Variants in CAST observed in about 807,000 individuals in gnomAD.
CAST encodes MIR583 host.
CAST carries 76 observed loss-of-function variants against 119.6 expected under a neutral mutation model. The ratio of observed to expected loss-of-function variants is 0.64; its 90% CI spans 0.53 to 0.77. CAST has a LOEUF of 0.77. Ranked by LOEUF, CAST falls within the 30% of genes least tolerant of loss-of-function variation. The pLI is 0.00. For synonymous variants in CAST, 319 were observed against 331.6 expected (o/e 0.96, Z 0.41); for missense variants, 953 against 946.5 (o/e 1.01, Z -0.09).
chr5:96,614,723 CT>C (rs1747422568), intron 1 of CAST, among the ~76,000 whole-genome samples: 2 of 147,380 alleles, frequency 1.4e-5, no homozygotes, highest in Admixed American at 1.4e-4. Context: ...CAGATTACCC[CT>C]CTTCCTCAGT....
the CAST span, among the ~76,000 whole-genome samples, chr5:96,348,489 C>T: frequency 1.3e-5 from 2 of 151,896 alleles, no homozygotes; most frequent in African/African-American, 4.8e-5. Flanking sequence ...GAAGGAATTG[C>T]TTTTGATGGT....
chr5:96,031,588 C>T, the CAST span, among the ~76,000 whole-genome samples: 6 of 152,032 alleles, frequency 3.9e-5, no homozygotes, highest in Non-Finnish European at 5.9e-5. Flanking sequence ...ATTTTCAGAA[C>T]GAGTCCTTAA....
chr5:96,220,280 C>T, the CAST span, among the ~76,000 whole-genome samples: 1 of 152,160 alleles, frequency 6.6e-6, no homozygotes, highest in African/African-American at 2.4e-5. Flanking sequence ...CTGTGGCAGC[C>T]ATCTGGTGTC....
chr5:96,673,943 C>G (rs1750411616), intron 1 of CAST, among the ~76,000 whole-genome samples: 2 of 152,216 alleles, frequency 1.3e-5, no homozygotes, highest in South Asian at 4.1e-4. Flanking sequence ...ATGCCAATCA[C>G]TAATCCATGA....
the CAST span, among the ~76,000 whole-genome samples, chr5:96,505,953 ACT>A: frequency 1.3e-5 from 2 of 152,176 alleles, no homozygotes; most frequent in Non-Finnish European, 2.9e-5. Context: ...AAGAAGCTAA[ACT>A]CTGCCCTGGT....
At position 96,695,842 on chromosome 5, in the gene CAST, G is replaced by T. The variant is rs1753218023; in HGVS notation, c.145G>T (p.Ala49Ser). 6.2e-7 allele frequency: 1 copy of T among 1,610,912 alleles called. No homozygotes were observed. Among genetic ancestry groups the T allele is most frequent in the Admixed American group, 1.7e-5 (1 of 59,878 alleles). ...GEKKGSDEKK[A>S]ASLGSSQSSR... ...AATATTTTCTATTTTCAAGAAAAAA[G>T]CAGCAAGCCTCGGCAGCAGTCAATC... is the stretch of plus-strand genomic sequence containing the variant. The change falls in exon 3 of 32, where the codon GCA (alanine) becomes TCA (serine). Residue 49 changes from alanine to serine, a missense_variant. By Grantham distance (99) the Ala-to-Ser change is moderately conservative (BLOSUM62 1). Transcript: ENST00000675179.
intron 2 of CAST, among the ~76,000 whole-genome samples, chr5:96,680,554 A>C (rs1316015066): frequency 6.6e-6 from 1 of 151,938 alleles, no homozygotes; most frequent in Non-Finnish European, 1.5e-5. Context: ...TAGCAAAGGA[A>C]CACCATTATA....
the CAST span, among the ~76,000 whole-genome samples, chr5:96,015,519 T>C: frequency 6.6e-6 from 1 of 151,958 alleles, no homozygotes; most frequent in African/African-American, 2.4e-5. Context: ...TCACCTATAA[T>C]ATATATTCAT....
the CAST span, chr5:96,400,317 G>T: frequency 1.4e-6 from 1 of 715,872 alleles, no homozygotes; most frequent in Non-Finnish European, 2.6e-6. Flanking sequence ...TGTTATTCTA[G>T]TGTCTATTAC....
the CAST span, chr5:96,429,089 A>G: frequency 1.6e-6 from 1 of 639,368 alleles, no homozygotes; most frequent in South Asian, 1.8e-5. Context: ...AATAATACAG[A>G]TAAACAATCT....
chr5:96,232,283 G>C, the CAST span, among the ~76,000 whole-genome samples: 3 of 152,024 alleles, frequency 2.0e-5, no homozygotes, highest in Non-Finnish European at 4.4e-5. Context: ...AGGTGACTCT[G>C]ATGCAAATAG....
the CAST span, among the ~76,000 whole-genome samples, chr5:96,003,012 G>C: frequency 6.6e-6 from 1 of 152,018 alleles, no homozygotes; most frequent in East Asian, 1.9e-4. Context: ...AAGGCAAGAG[G>C]ATTTCTTGAG....
chr5:96,240,103 T>C, the CAST span, among the ~76,000 whole-genome samples: 2 of 152,244 alleles, frequency 1.3e-5, no homozygotes, highest in African/African-American at 2.4e-5. Context: ...CCATCTTGAA[T>C]GTAATTAATT....
chr5:96,325,914 C>T, the CAST span, among the ~76,000 whole-genome samples: 1 of 152,166 alleles, frequency 6.6e-6, no homozygotes, highest in African/African-American at 2.4e-5. Context: ...CCCAACTTGG[C>T]GATCCACATG....
the CAST span, among the ~76,000 whole-genome samples, chr5:96,370,575 C>T: frequency 3.9e-5 from 6 of 152,220 alleles, no homozygotes; most frequent in South Asian, 1.3e-3. Flanking sequence ...AACTGAAATT[C>T]ACAGGCATAG....
chr5:96,488,534 C>T, the CAST span, among the ~76,000 whole-genome samples: 1 of 152,164 alleles, frequency 6.6e-6, no homozygotes, highest in Admixed American at 6.5e-5. Flanking sequence ...AGGCACATTG[C>T]CAAATACTTT....
chr5:96,192,880 A>G, the CAST span, among the ~76,000 whole-genome samples: 1 of 152,228 alleles, frequency 6.6e-6, no homozygotes, highest in African/African-American at 2.4e-5. Context: ...TGTGACATCA[A>G]TTAGAGCGGC....
At chr5:96,102,016 G>A in the CAST span, among the ~76,000 whole-genome samples, 1 of 152,196 alleles carries the variant, frequency 6.6e-6, no homozygotes, top group Non-Finnish European at 1.5e-5. Context: ...GCCTGAGGGG[G>A]TGTGTTGTAA....
rs1419330756 is a variant in CAST, at chr5:96,774,559, A to G, written c.*1943A>G. 1 of 985,690 alleles carries G rather than the reference A, an allele frequency of 1.0e-6. No homozygotes were observed. Among genetic ancestry groups the G allele is most frequent in the African/African-American group, 1.7e-5 (1 of 57,246 alleles). The allele number at this position is 985,690 out of a possible 1,614,324, so 61.1% of individuals were successfully genotyped here. A position where few individuals can be genotyped will look rare whatever the true frequency, so the allele number is the denominator to read the frequency against. ...TGTGGCAATATTGTATCTGTTTAGA[A>G]AATGGGCTTTTCCAAAAGCAAACAA... On this transcript the variant is annotated 3_prime_UTR_variant, in exon 32 of 32. Transcript: ENST00000675179.
Sources: allele counts gnomAD v4.1 joint callset (sites outside exome capture counted in the v4.1 genomes callset), GRCh38; gene constraint gnomAD v4.1.1; transcripts MANE v1.5; gene names NCBI Gene and HGNC (gene_info 2026-07-23, HGNC 2026-07-21).